HEMK2: variants seen among roughly 807,000 people sequenced by gnomAD.
HEMK2 encodes the protein HemK methyltransferase 2, ETF1 glutamine and histone H4 lysine.
chr21:28,660,577 T>G, the HEMK2 span, among the ~76,000 whole-genome samples: 3 of 151,860 alleles, frequency 2.0e-5, no homozygotes, highest in African/African-American at 7.2e-5. Flanking sequence ...TATGATCAAA[T>G]TTTAAACTAA....
chr21:28,759,242 G>C, the HEMK2 span, among the ~76,000 whole-genome samples: 2 of 152,330 alleles, frequency 1.3e-5, no homozygotes, highest in South Asian at 4.1e-4. Flanking sequence ...TCTTGCATCA[G>C]TGTGACCTGG....
chr21:28,763,968 G>C, the HEMK2 span, among the ~76,000 whole-genome samples: 2 of 151,910 alleles, frequency 1.3e-5, no homozygotes, highest in South Asian at 2.1e-4. Flanking sequence ...CCTGGGATAG[G>C]AGCAGGCACA....
At chr21:28,599,391 C>T in the HEMK2 span, among the ~76,000 whole-genome samples, 1 of 152,102 alleles carries the variant, frequency 6.6e-6, no homozygotes, top group South Asian at 2.1e-4. Flanking sequence ...AGAATGAGAA[C>T]CAAGTGAAAG....
the HEMK2 span, among the ~76,000 whole-genome samples, chr21:28,584,419 A>G: frequency 1.3e-5 from 2 of 152,226 alleles, no homozygotes; most frequent in Non-Finnish European, 2.9e-5. Context: ...ATAATTGAGG[A>G]AGATAAATAA....
At chr21:28,647,343 AAAAC>A in the HEMK2 span, among the ~76,000 whole-genome samples, 3 of 89,414 alleles carry the variant, frequency 3.4e-5, no homozygotes, top group African/African-American at 3.3e-4. Context: ...AAAAAAAAAA[AAAAC>A]ATACAAAAAA....
chr21:28,663,478 G>T, the HEMK2 span, among the ~76,000 whole-genome samples: 2 of 152,228 alleles, frequency 1.3e-5, no homozygotes, highest in Non-Finnish European at 2.9e-5. Context: ...TCCAGCCTGT[G>T]GGCCATGGTT....
the HEMK2 span, among the ~76,000 whole-genome samples, chr21:28,643,036 C>G: frequency 6.6e-6 from 1 of 152,096 alleles, no homozygotes; most frequent in Non-Finnish European, 1.5e-5. Flanking sequence ...GTACTAGAAG[C>G]TTGGGCCTTG....
chr21:28,789,456 GA>G, the HEMK2 span, among the ~76,000 whole-genome samples: 1 of 152,106 alleles, frequency 6.6e-6, no homozygotes, highest in African/African-American at 2.4e-5. Flanking sequence ...TGGGAGAGGG[GA>G]TATGAGGGAA....
the HEMK2 span, among the ~76,000 whole-genome samples, chr21:28,675,378 T>C: frequency 4.6e-5 from 7 of 152,208 alleles, no homozygotes; most frequent in Non-Finnish European, 1.0e-4. Flanking sequence ...GCCTGACTCA[T>C]CAACCCCTCC....
the HEMK2 span, among the ~76,000 whole-genome samples, chr21:28,781,769 C>T: frequency 1.3e-5 from 2 of 152,172 alleles, no homozygotes; most frequent in South Asian, 4.1e-4. Context: ...TAGTTATCCA[C>T]CCACATGGCT....
chr21:28,728,069 G>C, the HEMK2 span, among the ~76,000 whole-genome samples: 14 of 152,202 alleles, frequency 9.2e-5, no homozygotes, highest in Admixed American at 1.3e-4. Flanking sequence ...GCCCATTTCA[G>C]ACTTGGGACC....
the HEMK2 span, among the ~76,000 whole-genome samples, chr21:28,637,802 T>C: frequency 6.6e-6 from 1 of 152,206 alleles, no homozygotes; most frequent in Non-Finnish European, 1.5e-5. Context: ...AATTTTAATA[T>C]AAGCATGATA....
chr21:28,622,857 G>GT, the HEMK2 span, among the ~76,000 whole-genome samples: 1 of 152,026 alleles, frequency 6.6e-6, no homozygotes, highest in Non-Finnish European at 1.5e-5. Flanking sequence ...AGACTTAAAC[G>GT]TAAGACCTAA....
the HEMK2 span, among the ~76,000 whole-genome samples, chr21:28,733,662 A>T: frequency 6.6e-6 from 1 of 150,500 alleles, no homozygotes; most frequent in Non-Finnish European, 1.5e-5. Flanking sequence ...CATTTTTTTC[A>T]CACACAGGAG....
the HEMK2 span, among the ~76,000 whole-genome samples, chr21:28,762,153 A>G: frequency 2.0e-5 from 3 of 152,080 alleles, no homozygotes; most frequent in African/African-American, 7.2e-5. Context: ...AGAAGAGAGG[A>G]ATGCTGCCTG....
the HEMK2 span, among the ~76,000 whole-genome samples, chr21:28,681,706 T>C: frequency 1.3e-5 from 2 of 151,956 alleles, no homozygotes; most frequent in South Asian, 2.1e-4. Flanking sequence ...AACAGAGATA[T>C]AGACCAATGG....
the HEMK2 span, among the ~76,000 whole-genome samples, chr21:28,594,282 CA>C: frequency 6.6e-6 from 1 of 152,014 alleles, no homozygotes; most frequent in Non-Finnish European, 1.5e-5. Context: ...GTATGAAATT[CA>C]GAGATAGAGA....
the HEMK2 span, among the ~76,000 whole-genome samples, chr21:28,615,278 G>A: frequency 1.3e-5 from 2 of 151,964 alleles, no homozygotes; most frequent in Admixed American, 1.3e-4. Flanking sequence ...ATTCTTCGGG[G>A]TTTTACTAGG....
the HEMK2 span, among the ~76,000 whole-genome samples, chr21:28,711,926 G>A: frequency 6.6e-6 from 1 of 152,124 alleles, no homozygotes; most frequent in Admixed American, 6.5e-5. Flanking sequence ...GCAGAAAAGA[G>A]GGTGAGGCAA....
Sources: gnomAD v4.1 joint callset for allele counts (sites outside exome capture counted in the v4.1 genomes callset) on GRCh38, gnomAD v4.1.1 for gene constraint, MANE v1.5 for transcripts, NCBI Gene and HGNC (gene_info 2026-07-23, HGNC 2026-07-21) for gene names.